RBMS1: variants seen among roughly 807,000 people sequenced by gnomAD.
RBMS1 encodes the protein RNA binding motif single stranded interacting protein 1, also known as RNA-binding motif, single-stranded-interacting protein 1.
A neutral mutation model predicts 62.3 loss-of-function variants in RBMS1; 17 were observed. The ratio of observed to expected loss-of-function variants is 0.27; its 90% CI spans 0.19 to 0.41. The LOEUF is 0.41. Ranked by LOEUF, RBMS1 falls within the 10% of genes least tolerant of loss-of-function variation. The probability of loss-of-function intolerance (pLI) is 1.00; values close to 1 mark genes in which losing one functional copy is unlikely to be tolerated. For missense variants in RBMS1, 334 were observed against 504.5 expected (o/e 0.66, Z 3.24); for synonymous variants, 172 against 170.0 (o/e 1.01, Z -0.09).
intron 1 of RBMS1, among the ~76,000 whole-genome samples, chr2:160,374,247 C>A (rs1451093495): frequency 6.6e-6 from 1 of 152,046 alleles, no homozygotes; most frequent in African/African-American, 2.4e-5. Context: ...AGAGCGAGAC[C>A]TTGTCTCAAA....
Position 160,343,607 on chromosome 2 carries a change from C to T in RBMS1, c.251+23609G>A, listed in dbSNP as rs549198419. Among the ~76,000 whole-genome samples the T allele has an allele frequency of 3.7e-3, 561 of 152,198 alleles. 3 individuals carry two copies. The highest frequency in any genetic ancestry group is 0.012 in the African/African-American group (490 of 41,534). On this transcript the variant is annotated intron_variant, in intron 2 of 13. Transcript: ENST00000348849. ...GGAAGTTCTGACCTCTGCTGTGAGT[C>T]ACCTGGAGTAAAATTTAATTATCAA...
chr2:160,313,072 C>A lies in RBMS1; in HGVS notation c.402+84G>T. ...GCTGAGTGGGATGAAGGGGAGATTA[C>A]AGATGCAGATAGAAAAAGCAGACCT... On this transcript the variant is annotated intron_variant, in intron 4 of 13. Transcript: ENST00000348849. 4 of 1,314,222 alleles carry A rather than the reference C, an allele frequency of 3.0e-6. No homozygotes were observed. In the South Asian group the frequency reaches 5.1e-5, roughly 17 times the overall value. 81.4% of individuals were successfully genotyped at this position (1,314,222 alleles called of 1,614,324 possible). A position where few individuals can be genotyped will look rare whatever the true frequency, so the allele number is the denominator to read the frequency against.
rs67789291 is a variant in RBMS1 at position 160,438,261 on chromosome 2, C to CT, written c.75+55027dup. Among the ~76,000 whole-genome samples, 382 of 91,018 alleles carry CT rather than the reference C, an allele frequency of 4.2e-3. 3 individuals are homozygous for CT. Among genetic ancestry groups the CT allele is most frequent in the South Asian group, 0.031 (100 of 3,204 alleles). 59.7% of individuals were successfully genotyped at this position (91,018 alleles called of 152,430 possible). A position where few individuals can be genotyped will look rare whatever the true frequency, so the allele number is the denominator to read the frequency against. Reference sequence around the variant, plus strand: ...GCAATCTTCAGAGGCTCAATACTTTCTTTTTTTTTTTTTTTTTATTGATCA... The same window carrying CT: ...GCAATCTTCAGAGGCTCAATACTTTCTTTTTTTTTTTTTTTTTTATTGATCA... On this transcript the variant is annotated intron_variant, in intron 1 of 13. Transcript: ENST00000348849.
rs763063133 is a variant in RBMS1 at position 160,277,409 on chromosome 2, G to A, written c.1063-26C>T. 2.5e-6 allele frequency: 4 copies of A among 1,574,068 alleles called. No individual in the cohort carries two copies. The African/African-American group carries it at 5.4e-5, about 21-fold the overall frequency. On this transcript the variant is annotated intron_variant, in intron 11 of 13. Coordinates refer to ENST00000348849, the MANE Select transcript of RBMS1 (RefSeq NM_016836.4). ...CTAGAAAGAAGAATGAGGTCAGAAT[G>A]GGCAATGGTAAACCATGCAAAATTT...
rs1044288053 is a variant in RBMS1, at chr2:160,274,305, C to T, written c.*467G>A. The T allele has an allele frequency of 6.6e-6, 1 of 152,110 alleles. No individual in the cohort carries two copies. The highest frequency in any genetic ancestry group is 1.5e-5 in the Non-Finnish European group (1 of 67,944). 9.4% of individuals were successfully genotyped at this position (152,110 alleles called of 1,614,324 possible). A position where few individuals can be genotyped will look rare whatever the true frequency, so the allele number is the denominator to read the frequency against. ...AAGCACAGAACACCATGGGTGAAGT[C>T]GGACTATTTAAACTTCAGAAAGCCC... On this transcript the variant is annotated 3_prime_UTR_variant, in exon 14 of 14. Transcript: ENST00000348849.
chr2:160,367,465 G>A (rs1693471158), intron 1 of RBMS1, 74 bp from the exon 2 acceptor site: 51 of 1,575,242 alleles, frequency 3.2e-5, no homozygotes, highest in Non-Finnish European at 4.3e-5. Flanking sequence ...AAGTTACCAA[G>A]ATTTAAATAT....
chr2:160,484,277 C>T (rs1216457088), intron 1 of RBMS1, among the ~76,000 whole-genome samples: 8 of 151,248 alleles, frequency 5.3e-5, no homozygotes, highest in African/African-American at 1.9e-4. Flanking sequence ...GGGCAGATTA[C>T]GAGGTCAGCA....
intron 1 of RBMS1, among the ~76,000 whole-genome samples, chr2:160,379,205 G>A (rs1694156683): frequency 6.7e-6 from 1 of 149,670 alleles, no homozygotes; most frequent in Non-Finnish European, 1.5e-5. Flanking sequence ...GGGGGCAATA[G>A]AGGAAGAACC....
intron 1 of RBMS1, among the ~76,000 whole-genome samples, chr2:160,371,223 A>C (rs1383624130): frequency 1.3e-5 from 2 of 152,242 alleles, no homozygotes; most frequent in African/African-American, 4.8e-5. Flanking sequence ...AATGATAAAC[A>C]AATTTTTAAA....
At chr2:160,458,123 C>G (rs549187379) in intron 1 of RBMS1, among the ~76,000 whole-genome samples, 2 of 151,992 alleles carry the variant, frequency 1.3e-5, no homozygotes, top group African/African-American at 4.8e-5. Context: ...GCCAGCACAC[C>G]CAGCTAATAT....
intron 7 of RBMS1, 43 bp from the exon 8 acceptor site, chr2:160,285,087 C>A: frequency 6.3e-7 from 1 of 1,579,226 alleles, no homozygotes; most frequent in South Asian, 1.1e-5. Context: ...TCTAGAAAGG[C>A]ATGATTTAAA....
chr2:160,390,150 C>A (rs1428571373), intron 1 of RBMS1, among the ~76,000 whole-genome samples: 1 of 152,154 alleles, frequency 6.6e-6, no homozygotes, highest in African/African-American at 2.4e-5. Context: ...TATTGCTTTT[C>A]CACTCCACCC....
intron 1 of RBMS1, among the ~76,000 whole-genome samples, chr2:160,447,582 C>A (rs1042228797): frequency 6.6e-6 from 1 of 152,220 alleles, no homozygotes; most frequent in African/African-American, 2.4e-5. Context: ...TTACTTGTTT[C>A]TTTCCCCAGC....
At chr2:160,450,318 A>G (rs1205845666) in intron 1 of RBMS1, among the ~76,000 whole-genome samples, 1 of 152,140 alleles carries the variant, frequency 6.6e-6, no homozygotes, top group Non-Finnish European at 1.5e-5. Context: ...AGGTGGGTGG[A>G]TCACCTGAGG....
At chr2:160,476,720 A>C (rs1056096657) in intron 1 of RBMS1, among the ~76,000 whole-genome samples, 3 of 151,060 alleles carry the variant, frequency 2.0e-5, no homozygotes, top group Non-Finnish European at 3.0e-5. Context: ...ACGCCCGGCT[A>C]ATTTTTTGTA....
intron 2 of RBMS1, among the ~76,000 whole-genome samples, chr2:160,355,131 C>T (rs1054255821): frequency 6.6e-6 from 1 of 152,080 alleles, no homozygotes; most frequent in Non-Finnish European, 1.5e-5. Context: ...AAAGTATAAA[C>T]ATCTAAGAAA....
At chr2:160,353,347 T>C (rs1449452705) in intron 2 of RBMS1, among the ~76,000 whole-genome samples, 1 of 152,210 alleles carries the variant, frequency 6.6e-6, no homozygotes, top group East Asian at 1.9e-4. Context: ...GCCTGTCACC[T>C]CCAGCAATGA....
chr2:160,306,247 T>A (rs558695595), intron 4 of RBMS1, among the ~76,000 whole-genome samples: 1 of 151,826 alleles, frequency 6.6e-6, no homozygotes, highest in South Asian at 2.1e-4. Context: ...TAGAAGGGGA[T>A]CGACAATGTA....
chr2:160,332,417 A>G (rs943783134), intron 2 of RBMS1, among the ~76,000 whole-genome samples: 1 of 152,176 alleles, frequency 6.6e-6, no homozygotes, highest in Non-Finnish European at 1.5e-5. Context: ...GCCACAAACA[A>G]AAATCCACAT....
Sources: allele counts gnomAD v4.1 joint callset (sites outside exome capture counted in the v4.1 genomes callset), GRCh38; gene constraint gnomAD v4.1.1; transcripts MANE v1.5; gene names NCBI Gene and HGNC (gene_info 2026-07-23, HGNC 2026-07-21).